The following ERG variants were observed in gnomAD, a reference collection of about 807,000 sequenced individuals.
ERG encodes the protein transcriptional regulator ERG.
Under a neutral mutation model 55.3 loss-of-function variants are expected in ERG, and 9 were observed. That is an observed-to-expected ratio of 0.16 (90% CI 0.10 to 0.28). ERG has a LOEUF of 0.28. ERG is among the 10% of genes least tolerant of loss of function. The probability of loss-of-function intolerance (pLI) is 1.00; values close to 1 mark genes in which losing one functional copy is unlikely to be tolerated. For synonymous variants in ERG, 223 were observed against 237.3 expected (o/e 0.94, Z 0.55); for missense variants, 434 against 631.6 (o/e 0.69, Z 3.35).
chr21:38,636,484 G>T (rs1238210459), intron 1 of ERG, among the ~76,000 whole-genome samples: 3 of 152,154 alleles, frequency 2.0e-5, no homozygotes, highest in Non-Finnish European at 4.4e-5. Context: ...TTTGAACAAA[G>T]AATTCCTCAG....
intron 1 of ERG, chr21:38,471,860 A>C (rs1292943570): frequency 2.0e-5 from 3 of 152,204 alleles, no homozygotes. Context: ...ATTTGTGGAA[A>C]ATACGGTTTA....
In ERG at chr21:38,391,005, A is replaced by C; in HGVS notation, c.909T>G (p.Leu303=). 1 of 1,613,488 alleles carries C rather than the reference A, an allele frequency of 6.2e-7. No homozygotes were observed. The highest frequency in any genetic ancestry group is 8.5e-7 in the Non-Finnish European group (1 of 1,179,652). ...YQILGPTSSR[L]ANPGSGQIQL... ...TCAGCAGTTTCTCACCTGGATTTGC[A>C]AGGCGGCTACTTGTTGGTCCAAGAA... Residue 303 remains leucine, a synonymous_variant, in exon 9 of 10, where the codon CTT becomes CTG. Coordinates refer to ENST00000288319, the MANE Select transcript of ERG (RefSeq NM_182918.4).
chr21:38,506,021 G>GTT (rs35198075), intron 2 of ERG, among the ~76,000 whole-genome samples: 2,793 of 150,982 alleles, frequency 0.018, 50 homozygotes, highest in Middle Eastern at 0.092. Flanking sequence ...CAGAAATGGT[G>GTT]TTTTTTTTTG....
chr21:38,432,476 G>A (rs1990260761), intron 2 of ERG, among the ~76,000 whole-genome samples: 1 of 152,222 alleles, frequency 6.6e-6, no homozygotes, highest in Non-Finnish European at 1.5e-5. Flanking sequence ...CAAATGCACT[G>A]TGGGTAAACA....
At chr21:38,528,663 T>C (rs2059649877) in intron 2 of ERG, among the ~76,000 whole-genome samples, 1 of 43,256 alleles carries the variant, frequency 2.3e-5, no homozygotes, top group Non-Finnish European at 7.0e-5. Flanking sequence ...TTAGCCAGGA[T>C]GGTCTCGATC....
intron 2 of ERG, among the ~76,000 whole-genome samples, chr21:38,548,451 T>TTC (rs1266486471): frequency 8.8e-6 from 1 of 113,766 alleles, no homozygotes; most frequent in East Asian, 2.7e-4. Context: ...TATCATATGA[T>TTC]TTTTTTTTTT....
intron 2 of ERG, among the ~76,000 whole-genome samples, chr21:38,426,873 T>G (rs1989852265): frequency 6.6e-6 from 1 of 150,860 alleles, no homozygotes; most frequent in African/African-American, 2.4e-5. Context: ...GAGGTTGCGG[T>G]GAGCCAAGAC....
At chr21:38,610,966 G>A (rs1439914127) in intron 1 of ERG, among the ~76,000 whole-genome samples, 2 of 152,156 alleles carry the variant, frequency 1.3e-5, no homozygotes, top group Non-Finnish European at 2.9e-5. Context: ...CTTCCCATGT[G>A]CTCTCACCAT....
At chr21:38,575,732 G>C in exon 2 of ERG, 2 of 1,613,678 alleles carry the variant, frequency 1.2e-6, no homozygotes, top group Non-Finnish European at 1.7e-6. Context: ...TCTACCAGCT[G>C]TTCAGAACCT....
chr21:38,638,612 T>C (rs1728679868), intron 1 of ERG, among the ~76,000 whole-genome samples: 1 of 152,142 alleles, frequency 6.6e-6, no homozygotes, highest in Non-Finnish European at 1.5e-5. Context: ...AATAAGAGAA[T>C]GGCAGTTGAT....
At chr21:38,504,632 G>T (rs1372499405) in intron 2 of ERG, among the ~76,000 whole-genome samples, 3 of 152,102 alleles carry the variant, frequency 2.0e-5, no homozygotes, top group Non-Finnish European at 2.9e-5. Flanking sequence ...GTTGCCATTG[G>T]TGCCCATAAG....
intron 2 of ERG, among the ~76,000 whole-genome samples, chr21:38,444,708 T>C (rs1037647302): frequency 7.0e-6 from 1 of 143,368 alleles, no homozygotes; most frequent in African/African-American, 2.6e-5. Context: ...GAGGGCTTTA[T>C]GTGTAAGCTA....
upstream of ERG, among the ~76,000 whole-genome samples, chr21:38,586,698 A>G (rs2060067522): frequency 6.6e-6 from 1 of 152,174 alleles, no homozygotes; most frequent in South Asian, 2.1e-4. Flanking sequence ...ACAAAATACT[A>G]TATGTTTTAC....
At chr21:38,623,885 C>G (rs2060308652) in intron 1 of ERG, among the ~76,000 whole-genome samples, 1 of 152,184 alleles carries the variant, frequency 6.6e-6, no homozygotes, top group Non-Finnish European at 1.5e-5. Flanking sequence ...TCTGCAATTT[C>G]TTTGATGAAA....
At chr21:38,625,355 T>C (rs1439240059) in intron 1 of ERG, among the ~76,000 whole-genome samples, 1 of 152,216 alleles carries the variant, frequency 6.6e-6, no homozygotes, top group African/African-American at 2.4e-5. Context: ...TAGTTTGTTT[T>C]TTTTTAATTT....
intron 2 of ERG, among the ~76,000 whole-genome samples, chr21:38,569,334 G>A (rs2059943178): frequency 6.6e-6 from 1 of 152,226 alleles, no homozygotes; most frequent in African/African-American, 2.4e-5. Flanking sequence ...CTTGGAAACG[G>A]CCCGTGCCCA....
At chr21:38,529,088 G>C (rs1479786091) in intron 2 of ERG, among the ~76,000 whole-genome samples, 1 of 152,098 alleles carries the variant, frequency 6.6e-6, no homozygotes, top group Non-Finnish European at 1.5e-5. Context: ...AGCAGAGTGA[G>C]CCAGTGGTGC....
chr21:38,637,227 G>A (rs1350816185), intron 1 of ERG, among the ~76,000 whole-genome samples: 1 of 151,888 alleles, frequency 6.6e-6, no homozygotes, highest in African/African-American at 2.4e-5. Flanking sequence ...TCCCATATGT[G>A]TGTCATTTTG....
chr21:38,492,510 A>C (rs2059345232), intron 1 of ERG, among the ~76,000 whole-genome samples: 4 of 152,222 alleles, frequency 2.6e-5, no homozygotes. Context: ...ATTAAAATTT[A>C]AGTTTATGTT....
Sources: allele counts gnomAD v4.1 joint callset (sites outside exome capture counted in the v4.1 genomes callset), GRCh38; gene constraint gnomAD v4.1.1; transcripts MANE v1.5; gene names NCBI Gene and HGNC (gene_info 2026-07-23, HGNC 2026-07-21).